GLCE: variants seen among roughly 807,000 people sequenced by gnomAD.
GLCE encodes the protein D-glucuronyl C5-epimerase.
GLCE carries 19 observed loss-of-function variants against 47.9 expected under a neutral mutation model. The ratio of observed to expected loss-of-function variants is 0.40; its 90% CI spans 0.28 to 0.58. The LOEUF (loss-of-function observed/expected upper bound fraction) is 0.58, where lower values mean the gene tolerates loss of function less well. Ranked by LOEUF, GLCE falls within the 20% of genes least tolerant of loss-of-function variation. The pLI is 0.48. For missense variants in GLCE, 556 were observed against 743.3 expected (o/e 0.75, Z 2.93); for synonymous variants, 245 against 263.4 (o/e 0.93, Z 0.68).
intron 2 of GLCE, among the ~76,000 whole-genome samples, chr15:69,245,751 C>T (rs2052737270): frequency 6.6e-6 from 1 of 152,032 alleles, no homozygotes; most frequent in Admixed American, 6.5e-5. Flanking sequence ...TTTTTTGAGA[C>T]AGAGTCTCAC....
chr15:69,182,531 A>AAAGG (rs1302607502), intron 1 of GLCE, among the ~76,000 whole-genome samples: 1 of 152,112 alleles, frequency 6.6e-6, no homozygotes, highest in Non-Finnish European at 1.5e-5. Flanking sequence ...GCATGTATGC[A>AAAGG]AAGGAAGGAA....
intron 1 of GLCE, among the ~76,000 whole-genome samples, chr15:69,167,408 G>A (rs1407554908): frequency 2.6e-5 from 4 of 152,172 alleles, no homozygotes; most frequent in African/African-American, 7.2e-5. Flanking sequence ...ATGGAGACAC[G>A]CCAGTGCCTG....
chr15:69,226,717 G>A (rs76376751), intron 2 of GLCE, among the ~76,000 whole-genome samples: 1 of 146,918 alleles, frequency 6.8e-6, no homozygotes, highest in Admixed American at 6.9e-5. Flanking sequence ...CAGCCAGAGT[G>A]AGCTTGCTTG....
chr15:69,263,835 TTTTGTTGGATGTGAAACA>T (rs1180818783), intron 4 of GLCE, among the ~76,000 whole-genome samples: 1 of 152,210 alleles, frequency 6.6e-6, no homozygotes, highest in Admixed American at 6.5e-5. Context: ...GATTAACAGT[TTTTGTTGGATGTGAAACA>T]TTGATTTAAA....
At chr15:69,244,125 A>G (rs2052715265) in intron 2 of GLCE, among the ~76,000 whole-genome samples, 1 of 152,240 alleles carries the variant, frequency 6.6e-6, no homozygotes. Context: ...TATGACAGAA[A>G]TAAGGTATTA....
Position 69,175,244 on chromosome 15 carries a change from A to G in GLCE, c.-105+14487A>G, listed in dbSNP as rs186253817. Among the ~76,000 whole-genome samples, 300 of 152,306 alleles carry G rather than the reference A, an allele frequency of 2.0e-3. 1 individual carries two copies. The highest frequency in any genetic ancestry group is 6.9e-3 in the African/African-American group (287 of 41,580). On this transcript the variant is annotated intron_variant, in intron 1 of 4. Transcript: ENST00000261858. ...CCCACTTTAAAAATGAAAAATAAGAAAAAGATTTTTCCATCATCCTCACAT... is the reference window on the plus strand; with the variant it reads ...CCCACTTTAAAAATGAAAAATAAGAGAAAGATTTTTCCATCATCCTCACAT...
rs187513031 is a variant in GLCE, at chr15:69,207,020, G to C, written c.-104-3296G>C. On this transcript the variant is annotated intron_variant, in intron 1 of 4. Transcript: ENST00000261858. ...ATCCAGTACCACAGGGTTCATTCTA[G>C]GCTTCCCCACTTTGCTTATCTGTAA... Among the ~76,000 whole-genome samples the C allele has an allele frequency of 2.0e-3, 302 of 152,052 alleles. 4 individuals carry two copies. The highest frequency in any genetic ancestry group is 7.0e-3 in the African/African-American group (291 of 41,518).
At chr15:69,235,017 G>A (rs1049454842) in intron 2 of GLCE, among the ~76,000 whole-genome samples, 11 of 145,672 alleles carry the variant, frequency 7.6e-5, no homozygotes, top group African/African-American at 2.6e-4. Flanking sequence ...TTGGGAAAAT[G>A]CTAACATACC....
chr15:69,210,087 C>T (rs2052210132), intron 1 of GLCE, among the ~76,000 whole-genome samples: 1 of 152,118 alleles, frequency 6.6e-6, no homozygotes, highest in South Asian at 2.1e-4. Flanking sequence ...TATGTTCAGT[C>T]TGGATGAAAG....
At chr15:69,170,240 A>C (rs1223690534) in intron 1 of GLCE, among the ~76,000 whole-genome samples, 2 of 152,150 alleles carry the variant, frequency 1.3e-5, no homozygotes, top group Non-Finnish European at 2.9e-5. Context: ...AAACATTGTA[A>C]ATTGTTTCAT....
rs536616164 is a variant in GLCE, at chr15:69,221,323, G to T, written c.-14+10917G>T. Among the ~76,000 whole-genome samples the T allele has an allele frequency of 4.6e-5, 7 of 152,296 alleles. No individual in the cohort carries two copies. In the Middle Eastern group the frequency reaches 0.01, roughly 222 times the overall value. On this transcript the variant is annotated intron_variant, in intron 2 of 4. Coordinates refer to ENST00000261858, the MANE Select transcript of GLCE (RefSeq NM_015554.3). ...TGATAGTGATTGCATTGAATCTGTA[G>T]ATTGCTTTGTGTAGTGCTGACATTT...
At chr15:69,222,073 G>A (rs2052384564) in intron 2 of GLCE, among the ~76,000 whole-genome samples, 1 of 152,114 alleles carries the variant, frequency 6.6e-6, no homozygotes, top group Non-Finnish European at 1.5e-5. Flanking sequence ...GTTTCTGAAT[G>A]CTTTTAAAGG....
intron 1 of GLCE, among the ~76,000 whole-genome samples, chr15:69,195,753 G>A (rs1348843900): frequency 5.9e-5 from 9 of 152,082 alleles, no homozygotes; most frequent in African/African-American, 2.2e-4. Flanking sequence ...AAATATGAAT[G>A]TAATATTTTG....
intron 4 of GLCE, among the ~76,000 whole-genome samples, chr15:69,267,835 G>C: frequency 7.7e-6 from 1 of 129,064 alleles, no homozygotes; most frequent in East Asian, 2.4e-4. Context: ...TGCTGAGCCA[G>C]GTTTTGGCTT....
intron 2 of GLCE, among the ~76,000 whole-genome samples, chr15:69,242,207 G>T (rs188015387): frequency 3.0e-4 from 46 of 152,132 alleles, no homozygotes; most frequent in Admixed American, 2.9e-3. Flanking sequence ...TCTGTGTTGG[G>T]CTTCAGTGAA....
chr15:69,198,732 T>A (rs1344745028), intron 1 of GLCE, among the ~76,000 whole-genome samples: 13 of 152,176 alleles, frequency 8.5e-5, no homozygotes, highest in African/African-American at 1.4e-4. Flanking sequence ...CTTTATTTTT[T>A]AAAATTGAGA....
chr15:69,167,092 T>G (rs1475316040), intron 1 of GLCE, among the ~76,000 whole-genome samples: 1 of 152,012 alleles, frequency 6.6e-6, no homozygotes. Flanking sequence ...GGTGCACACC[T>G]GTAATCCCAG....
intron 1 of GLCE, among the ~76,000 whole-genome samples, chr15:69,200,907 A>G (rs1345410919): frequency 2.0e-5 from 3 of 152,072 alleles, no homozygotes; most frequent in Non-Finnish European, 2.9e-5. Context: ...TTCCTTGCTT[A>G]TATGAGGTTT....
intron 1 of GLCE, among the ~76,000 whole-genome samples, chr15:69,207,407 T>TC (rs1048969014): frequency 1.3e-5 from 2 of 152,090 alleles, no homozygotes; most frequent in Non-Finnish European, 2.9e-5. Flanking sequence ...CCCTTTGTAG[T>TC]CAGCCACTAC....
Sources: gnomAD v4.1 joint callset for allele counts (sites outside exome capture counted in the v4.1 genomes callset) on GRCh38, gnomAD v4.1.1 for gene constraint, MANE v1.5 for transcripts, NCBI Gene and HGNC (gene_info 2026-07-23, HGNC 2026-07-21) for gene names.